Variants in ABRAXAS2 observed in about 807,000 individuals in gnomAD.
The protein encoded by ABRAXAS2 is BRISC complex subunit Abraxas 2.
In ABRAXAS2, 23 loss-of-function variants were observed where a neutral mutation model predicts 49.0. That is an observed-to-expected ratio of 0.47 (90% CI 0.34 to 0.66). The LOEUF is 0.66. Ranked by LOEUF, ABRAXAS2 falls within the 30% of genes least tolerant of loss-of-function variation. The probability of loss-of-function intolerance (pLI) is 0.01; values close to 1 mark genes in which losing one functional copy is unlikely to be tolerated. For missense variants in ABRAXAS2, 443 were observed against 511.9 expected, an observed-to-expected ratio of 0.87 and a Z score of 1.30; for synonymous variants, 168 against 180.2, an observed-to-expected ratio of 0.93 and a Z score of 0.54.
intron 8 of ABRAXAS2, among the ~76,000 whole-genome samples, chr10:124,833,438 C>G (rs2134174728): frequency 6.6e-6 from 1 of 152,300 alleles, no homozygotes; most frequent in East Asian, 1.9e-4. Flanking sequence ...GCACTCCAGC[C>G]TGGGTGACAG....
intron 1 of ABRAXAS2, among the ~76,000 whole-genome samples, chr10:124,803,660 G>A (rs568001650): frequency 6.6e-6 from 1 of 152,316 alleles, no homozygotes; most frequent in East Asian, 1.9e-4. Flanking sequence ...CCAGCACTTT[G>A]GGAGGCTGAG....
chr10:124,806,213 G>A (rs1327553009), intron 1 of ABRAXAS2, among the ~76,000 whole-genome samples: 2 of 151,970 alleles, frequency 1.3e-5, no homozygotes, highest in African/African-American at 4.8e-5. Flanking sequence ...GGCTGAGACA[G>A]GAGAATGGCA....
intron 2 of ABRAXAS2, among the ~76,000 whole-genome samples, chr10:124,812,701 G>A (rs1950798274): frequency 1.3e-5 from 2 of 151,962 alleles, no homozygotes; most frequent in Admixed American, 6.6e-5. Context: ...GGAAAACCCG[G>A]GTTGAAAAGT....
intron 1 of ABRAXAS2, among the ~76,000 whole-genome samples, chr10:124,803,317 T>C (rs940712270): frequency 1.3e-5 from 2 of 152,258 alleles, no homozygotes; most frequent in African/African-American, 2.4e-5. Context: ...GTGTTTTATA[T>C]GACCATGCCT....
chr10:124,817,783 G>A (rs1235361767), intron 3 of ABRAXAS2, among the ~76,000 whole-genome samples: 2 of 152,138 alleles, frequency 1.3e-5, no homozygotes, highest in Non-Finnish European at 2.9e-5. Flanking sequence ...TTGCTTCAGA[G>A]AATTGTCACC....
intron 4 of ABRAXAS2, among the ~76,000 whole-genome samples, chr10:124,823,590 T>A (rs1564923108): frequency 6.6e-6 from 1 of 152,082 alleles, no homozygotes; most frequent in Non-Finnish European, 1.5e-5. Context: ...CTAAAGACAA[T>A]AAACGTGCCC....
chr10:124,833,329 G>A (rs2134174648), intron 8 of ABRAXAS2, among the ~76,000 whole-genome samples: 1 of 151,680 alleles, frequency 6.6e-6, no homozygotes. Flanking sequence ...GCCAGGCATG[G>A]TGGCATGCAC....
At position 124,819,537 on chromosome 10, in the gene ABRAXAS2, A is replaced by G. The variant is rs1950847782; in HGVS notation, c.267+87A>G. The G allele has an allele frequency of 2.4e-6, 3 of 1,238,020 alleles. No individual in the cohort carries two copies. The Admixed American group carries it at 5.5e-5, about 23-fold the overall frequency. The allele number at this position is 1,238,020 out of a possible 1,614,324, so 76.7% of individuals were successfully genotyped here. ...ACCAGACAGGAATGTAAAATGGAAC[A>G]ATAAGATTTCATGTTAATATGTAAA... On this transcript the variant is annotated intron_variant, in intron 4 of 8. Coordinates refer to ENST00000298492, the MANE Select transcript of ABRAXAS2 (RefSeq NM_032182.4).
intron 2 of ABRAXAS2, among the ~76,000 whole-genome samples, chr10:124,808,607 T>C (rs1950763796): frequency 6.6e-6 from 1 of 152,086 alleles, no homozygotes; most frequent in Non-Finnish European, 1.5e-5. Context: ...TACCAGACAG[T>C]GCGAGAAGAA....
chr10:124,822,619 C>G (rs1205865181), intron 4 of ABRAXAS2, among the ~76,000 whole-genome samples: 1 of 151,924 alleles, frequency 6.6e-6, no homozygotes, highest in African/African-American at 2.4e-5. Context: ...ATGGCAAAAC[C>G]CTGTCTCTAC....
In ABRAXAS2 at chr10:124,834,665, C is replaced by A. The variant is rs1303106507; in HGVS notation, c.942C>A (p.Asn314Lys). The A allele has an allele frequency of 6.2e-7, 1 of 1,614,128 alleles. No individual in the cohort carries two copies. Among genetic ancestry groups the A allele is most frequent in the South Asian group, 1.1e-5 (1 of 91,078 alleles). ...CCCCTTACTCTGATTTTCACCCAAACAATCAAGAAAGTACTTTGAGCCACT... is the reference window on the plus strand; with the variant it reads ...CCCCTTACTCTGATTTTCACCCAAAAAATCAAGAAAGTACTTTGAGCCACT... ...PPPPYSDFHP[N>K]NQESTLSHSR... The change falls in exon 9 of 9, where the codon AAC becomes AAA. Residue 314 changes from asparagine (N) to lysine (K), a missense_variant. By Grantham distance (94) the Asn-to-Lys change is moderately conservative. Around this residue, in one of 3 missense-constraint regions of ABRAXAS2, gnomAD observed 230 missense variants for 237.0 expected, o/e 0.97. Transcript: ENST00000298492.
chr10:124,816,280 A>G (rs983156996), intron 2 of ABRAXAS2, among the ~76,000 whole-genome samples: 1 of 152,156 alleles, frequency 6.6e-6, no homozygotes, highest in Non-Finnish European at 1.5e-5. Context: ...TTTTAAATAG[A>G]TAAGATTGAA....
At chr10:124,832,670 C>CCTCGT (rs1950940625) in intron 8 of ABRAXAS2, among the ~76,000 whole-genome samples, 1 of 151,620 alleles carries the variant, frequency 6.6e-6, no homozygotes, top group Admixed American at 6.6e-5. Context: ...AGTGGTGATA[C>CCTCGT]CTCGTCTGTA....
At chr10:124,807,339 T>C (rs572887354) in intron 2 of ABRAXAS2, among the ~76,000 whole-genome samples, 1 of 128,370 alleles carries the variant, frequency 7.8e-6, no homozygotes, top group Non-Finnish European at 1.6e-5. Flanking sequence ...AAAAAAAGAA[T>C]TCAAAGAGTA....
chr10:124,823,536 G>C (rs1368571701), intron 4 of ABRAXAS2, among the ~76,000 whole-genome samples: 1 of 152,176 alleles, frequency 6.6e-6, no homozygotes, highest in Admixed American at 6.5e-5. Context: ...AACAGTAACT[G>C]AAACAGCCAT....
At position 124,835,707 on chromosome 10, in the gene ABRAXAS2, C is replaced by T. The variant is rs954293675; in HGVS notation, c.*736C>T. On this transcript the variant is annotated 3_prime_UTR_variant, in exon 9 of 9. Transcript: ENST00000298492. Reference sequence around the variant, plus strand: ...TACAGTGACTACTGTGTTGCACTGGCACATTTATGGTCTCTGTTCTGGAAT... The same window carrying T: ...TACAGTGACTACTGTGTTGCACTGGTACATTTATGGTCTCTGTTCTGGAAT... 1 of 152,052 alleles carries T rather than the reference C, an allele frequency of 6.6e-6. No homozygotes were observed. 9.4% of individuals were successfully genotyped at this position (152,052 alleles called of 1,614,324 possible).
At position 124,829,438 on chromosome 10, in the gene ABRAXAS2, G is replaced by A. The variant is rs138412356; in HGVS notation, c.624G>A (p.Ala208=). 3.0e-5 allele frequency: 49 copies of A among 1,610,502 alleles called. No homozygotes were observed. In the South Asian group the frequency reaches 3.2e-4, roughly 11 times the overall value. The change falls in exon 7 of 9, where the codon GCG becomes GCA. Residue 208 remains alanine (A), a synonymous_variant. Coordinates refer to ENST00000298492, the MANE Select transcript of ABRAXAS2 (RefSeq NM_032182.4). ...ATGGAGTGATGAAAGACATCAGGGC[G>A]ATTTATCAGGTTTATAATGCACTTC... The part of the protein sequence containing the change: ...DKDGVMKDIR[A]IYQVYNALQE...
chr10:124,826,638 A>C lies in ABRAXAS2; in HGVS notation c.311A>C (p.Gln104Pro). The change falls in exon 5 of 9, where the codon CAG becomes CCG. Residue 104 changes from glutamine (Q) to proline (P), a missense_variant. Coordinates refer to ENST00000298492, the MANE Select transcript of ABRAXAS2 (RefSeq NM_032182.4). ...AGATTCCGGCGCAATACGCAGCAGC[A>C]GATGTCCTACAGAGAGCAGGTTCTT... ...WYRFRRNTQQ[Q>P]MSYREQVLHK... 1.2e-6 allele frequency: 2 copies of C among 1,614,216 alleles called. No individual in the cohort carries two copies. The highest frequency in any genetic ancestry group is 8.5e-7 in the Non-Finnish European group (1 of 1,180,032).
intron 4 of ABRAXAS2, among the ~76,000 whole-genome samples, chr10:124,824,274 G>A (rs944392243): frequency 6.6e-6 from 1 of 152,066 alleles, no homozygotes; most frequent in African/African-American, 2.4e-5. Context: ...TGTGGCTCAC[G>A]CCTGTAATGC....
Sources: gnomAD v4.1 joint callset for allele counts (sites outside exome capture counted in the v4.1 genomes callset) on GRCh38, gnomAD v4.1.1 for gene constraint, gnomAD v4.1.1 regional missense constraint, MANE v1.5 for transcripts, NCBI Gene and HGNC (gene_info 2026-07-23, HGNC 2026-07-21) for gene names.